The following GYPC variants were observed in gnomAD, a reference collection of about 807,000 sequenced individuals.
GYPC encodes the protein glycophorin-C.
A neutral mutation model predicts 12.6 loss-of-function variants in GYPC; 14 were observed. The observed-to-expected ratio is 1.11, with a 90% CI of 0.74 to 1.74. The LOEUF (loss-of-function observed/expected upper bound fraction) is 1.74. Ranked by LOEUF, GYPC falls within the 40% of genes most tolerant of loss-of-function variation. The probability of loss-of-function intolerance (pLI) is 0.00; values close to 1 mark genes in which losing one functional copy is unlikely to be tolerated. For synonymous variants in GYPC, 78 were observed against 62.1 expected (o/e 1.26, Z -1.20); for missense variants, 225 against 172.1 (o/e 1.31, Z -1.72).
chr2:126,694,121 T>G (rs545818123), intron 3 of GYPC, among the ~76,000 whole-genome samples, 174 bp downstream of exon 3: 47 of 152,216 alleles, frequency 3.1e-4, no homozygotes, highest in Admixed American at 1.3e-3. Context: ...TAAATATATA[T>G]ATACATGCAT....
intron 2 of GYPC, among the ~76,000 whole-genome samples, chr2:126,690,540 T>C (rs1170983578): frequency 6.6e-6 from 1 of 152,054 alleles, no homozygotes; most frequent in Non-Finnish European, 1.5e-5. Flanking sequence ...TAAATATACA[T>C]AGGTATGTCA....
At chr2:126,690,835 C>T (rs1683441850) in intron 2 of GYPC, among the ~76,000 whole-genome samples, 1 of 152,090 alleles carries the variant, frequency 6.6e-6, no homozygotes, top group Non-Finnish European at 1.5e-5. Flanking sequence ...GCTGTGACTG[C>T]AAACTGTGTT....
chr2:126,679,958 A>G (rs1378995764), intron 1 of GYPC: 1 of 152,210 alleles, frequency 6.6e-6, no homozygotes, highest in Non-Finnish European at 1.5e-5. Context: ...TTGTGGGCCA[A>G]ATGCAACCTG....
At chr2:126,661,709 C>T (rs1174394119) in intron 1 of GYPC, among the ~76,000 whole-genome samples, 1 of 152,120 alleles carries the variant, frequency 6.6e-6, no homozygotes, top group Non-Finnish European at 1.5e-5. Flanking sequence ...TCCTTGGCCT[C>T]CCAAAGTGCT....
chr2:126,688,227 A>G (rs558599868), intron 1 of GYPC, among the ~76,000 whole-genome samples: 9 of 152,368 alleles, frequency 5.9e-5, no homozygotes, highest in African/African-American at 2.2e-4. Flanking sequence ...AAACTGTCAT[A>G]AGAAATGCTG....
chr2:126,670,712 A>T (rs977177306), intron 1 of GYPC, among the ~76,000 whole-genome samples: 1 of 152,156 alleles, frequency 6.6e-6, no homozygotes, highest in Admixed American at 6.5e-5. Context: ...GCACACACTC[A>T]GTAAATGTTA....
chr2:126,680,225 A>T (rs944917236), intron 1 of GYPC: 1 of 152,238 alleles, frequency 6.6e-6, no homozygotes, highest in African/African-American at 2.4e-5. Flanking sequence ...TGGAAAAGGA[A>T]GCCAATGATG....
At chr2:126,673,459 T>C (rs956767228) in intron 1 of GYPC, among the ~76,000 whole-genome samples, 17 of 152,092 alleles carry the variant, frequency 1.1e-4, no homozygotes, top group African/African-American at 4.1e-4. Context: ...GCCAGTGTGC[T>C]CTCGGGAGGA....
chr2:126,683,250 G>A (rs926478893), intron 1 of GYPC, among the ~76,000 whole-genome samples: 1 of 152,052 alleles, frequency 6.6e-6, no homozygotes, highest in African/African-American at 2.4e-5. Context: ...AACCTGGGGG[G>A]CAGAGGTTGC....
rs768999843 is a variant in GYPC, at chr2:126,656,307, G to A, written c.44G>A (p.Ser15Asn). 2.5e-6 allele frequency: 4 copies of A among 1,586,608 alleles called. No homozygotes were observed. The highest frequency in any genetic ancestry group is 1.7e-5 in the Admixed American group (1 of 57,190). ...CCCAACAGCACGGCGTGGCCTCTCA[G>A]CCTCGGTGAGTACCCGCCGTGGGGA... ...RSPNSTAWPLSLEPDPGMASA... is the reference protein window; with the variant it reads ...RSPNSTAWPLNLEPDPGMASA... The change falls in exon 1 of 4, where the codon AGC becomes AAC. Residue 15 changes from serine (S) to asparagine (N), a missense_variant. Ser to Asn is a conservative substitution (Grantham distance 46). Transcript: ENST00000259254.
intron 1 of GYPC, among the ~76,000 whole-genome samples, chr2:126,682,359 AG>A (rs1683171884): frequency 6.6e-6 from 1 of 152,172 alleles, no homozygotes; most frequent in South Asian, 2.1e-4. Flanking sequence ...ATGGAGCAGA[AG>A]GGTGTGTGCA....
At chr2:126,694,788 C>T (rs1683590185) in intron 3 of GYPC, among the ~76,000 whole-genome samples, 1 of 103,054 alleles carries the variant, frequency 9.7e-6, no homozygotes, top group South Asian at 2.6e-4. Flanking sequence ...TCCAAATAAA[C>T]CTGCATTCTA....
At position 126,696,495 on chromosome 2, in the gene GYPC, C is replaced by A. The variant is rs532467537; in HGVS notation, c.*353C>A. ...TGAGGGTGAGGGGGTGCTGGGGTAC[C>A]CGGGGGCTGGGGAAGCAAGGAAATA... On this transcript the variant is annotated 3_prime_UTR_variant, in exon 4 of 4. Transcript: ENST00000259254. 4 of 358,560 alleles carry A rather than the reference C, an allele frequency of 1.1e-5. No individual in the cohort carries two copies. The highest frequency in any genetic ancestry group is 7.9e-5 in the Admixed American group (2 of 25,382). The allele number at this position is 358,560 out of a possible 1,614,324, so 22.2% of individuals were successfully genotyped here.
intron 1 of GYPC, chr2:126,680,487 G>A (rs752019007): frequency 1.3e-5 from 2 of 152,210 alleles, no homozygotes; most frequent in Non-Finnish European, 2.9e-5. Context: ...ACCCCTGAGA[G>A]GACAGCTGAG....
chr2:126,661,460 T>C (rs1480852630), intron 1 of GYPC, among the ~76,000 whole-genome samples: 17 of 151,766 alleles, frequency 1.1e-4, no homozygotes, highest in Admixed American at 8.5e-4. Context: ...TCTCTCTTTT[T>C]TTTTTTTTTG....
intron 1 of GYPC, among the ~76,000 whole-genome samples, chr2:126,670,205 C>A (rs951763723): frequency 6.6e-6 from 1 of 152,244 alleles, no homozygotes; most frequent in Admixed American, 6.5e-5. Flanking sequence ...CAGCACGCCA[C>A]TGCCCAGAGC....
chr2:126,689,806 T>A (rs1332937286), intron 1 of GYPC, among the ~76,000 whole-genome samples: 1 of 152,064 alleles, frequency 6.6e-6, no homozygotes, highest in Non-Finnish European at 1.5e-5. Flanking sequence ...CAAACAAACC[T>A]CTCTTCTTTA....
chr2:126,675,716 A>T, intron 1 of GYPC: 3 of 984,038 alleles, frequency 3.0e-6, no homozygotes, highest in Non-Finnish European at 3.6e-6. Context: ...TCTGATCTTC[A>T]GGATCCTTCA....
chr2:126,662,959 G>A (rs528023681), intron 1 of GYPC, among the ~76,000 whole-genome samples: 1 of 152,286 alleles, frequency 6.6e-6, no homozygotes, highest in African/African-American at 2.4e-5. Flanking sequence ...AATGACAGGG[G>A]GCCATCTGCA....
Sources: gnomAD v4.1 joint callset for allele counts (sites outside exome capture counted in the v4.1 genomes callset) on GRCh38, gnomAD v4.1.1 for gene constraint, MANE v1.5 for transcripts, NCBI Gene and HGNC (gene_info 2026-07-23, HGNC 2026-07-21) for gene names.